CNTNAP2: variants seen among roughly 807,000 people sequenced by gnomAD.
CNTNAP2 encodes the protein contactin associated protein 2.
A neutral mutation model predicts 155.2 loss-of-function variants in CNTNAP2; 98 were observed. The ratio of observed to expected loss-of-function variants is 0.63; its 90% CI spans 0.54 to 0.75. The LOEUF is 0.75. Among genes scored for constraint, CNTNAP2 ranks in the 30% least tolerant of loss-of-function variants. The pLI, the probability that CNTNAP2 is intolerant of heterozygous loss-of-function variation, is 0.00. For synonymous variants in CNTNAP2, 651 were observed against 631.2 expected (o/e 1.03, Z -0.47); for missense variants, 1,727 against 1,688.1 (o/e 1.02, Z -0.40).
intron 1 of CNTNAP2, among the ~76,000 whole-genome samples, chr7:146,180,239 A>C (rs1228345312): frequency 6.6e-6 from 1 of 152,180 alleles, no homozygotes; most frequent in Non-Finnish European, 1.5e-5. Context: ...GCCTTCAGCT[A>C]CTAGTGAGTT....
intron 12 of CNTNAP2, among the ~76,000 whole-genome samples, chr7:147,613,785 A>G (rs1376213010): frequency 6.6e-6 from 1 of 152,088 alleles, no homozygotes; most frequent in African/African-American, 2.4e-5. Context: ...AGAGGTTGCA[A>G]TGAGCCAAAA....
At chr7:147,890,836 A>G (rs1453969201) in intron 13 of CNTNAP2, among the ~76,000 whole-genome samples, 4 of 152,204 alleles carry the variant, frequency 2.6e-5, no homozygotes, top group Non-Finnish European at 4.4e-5. Context: ...CAAAGGATAT[A>G]AAATTTTAGT....
At chr7:148,158,126 T>C (rs1259190014) in intron 17 of CNTNAP2, among the ~76,000 whole-genome samples, 1 of 151,482 alleles carries the variant, frequency 6.6e-6, no homozygotes, top group East Asian at 1.9e-4. Context: ...CCCTTTGCCC[T>C]TTAGGGATCA....
chr7:147,680,730 T>C (rs913592660), intron 13 of CNTNAP2, among the ~76,000 whole-genome samples: 1 of 151,924 alleles, frequency 6.6e-6, no homozygotes, highest in African/African-American at 2.4e-5. Context: ...CATTCTGATG[T>C]TCTTGCCATT....
chr7:146,562,581 C>T (rs1268728726), intron 1 of CNTNAP2, among the ~76,000 whole-genome samples: 1 of 152,046 alleles, frequency 6.6e-6, no homozygotes, highest in Admixed American at 6.6e-5. Flanking sequence ...TTTATTAAGA[C>T]TGGGCTTTGT....
chr7:148,256,417 G>A (rs552015198), intron 20 of CNTNAP2, among the ~76,000 whole-genome samples: 19 of 152,182 alleles, frequency 1.2e-4, no homozygotes, highest in African/African-American at 4.6e-4. Flanking sequence ...GTCCAAGAAG[G>A]CTTCCTAACT....
chr7:147,822,972 G>A (rs1359127462), intron 13 of CNTNAP2, among the ~76,000 whole-genome samples: 1 of 152,158 alleles, frequency 6.6e-6, no homozygotes, highest in East Asian at 1.9e-4. Flanking sequence ...AGGAAACCTT[G>A]TCTTCTACAG....
chr7:147,748,864 G>A (rs866328800), intron 13 of CNTNAP2, among the ~76,000 whole-genome samples: 2 of 152,064 alleles, frequency 1.3e-5, no homozygotes, highest in Non-Finnish European at 2.9e-5. Flanking sequence ...AAAGGTGCTA[G>A]GCAGACTGAA....
intron 1 of CNTNAP2, among the ~76,000 whole-genome samples, chr7:146,626,259 G>A (rs1230115152): frequency 6.6e-6 from 1 of 152,096 alleles, no homozygotes; most frequent in East Asian, 1.9e-4. Flanking sequence ...CTAATTCTAT[G>A]CAAATGTTTT....
intron 15 of CNTNAP2, among the ~76,000 whole-genome samples, chr7:148,003,756 G>T (rs1023638242): frequency 6.6e-6 from 1 of 152,150 alleles, no homozygotes; most frequent in African/African-American, 2.4e-5. Flanking sequence ...TTATCCTCTT[G>T]TTTGATTAGT....
chr7:147,443,441 T>C (rs1201913920), intron 10 of CNTNAP2, among the ~76,000 whole-genome samples: 1 of 152,166 alleles, frequency 6.6e-6, no homozygotes, highest in Admixed American at 6.5e-5. Context: ...TAGTCCTGAA[T>C]AGGCAAGTAA....
chr7:146,608,831 A>T (rs1239765865), intron 1 of CNTNAP2, among the ~76,000 whole-genome samples: 1 of 152,004 alleles, frequency 6.6e-6, no homozygotes, highest in Non-Finnish European at 1.5e-5. Flanking sequence ...TATAATTTTA[A>T]ATTTCAAATT....
intron 1 of CNTNAP2, among the ~76,000 whole-genome samples, chr7:146,205,548 T>C (rs1798932783): frequency 6.6e-6 from 1 of 151,672 alleles, no homozygotes; most frequent in South Asian, 2.1e-4. Context: ...GAAAGTAAAA[T>C]CACTTAAGAA....
At chr7:147,334,552 A>C (rs903778591) in intron 9 of CNTNAP2, among the ~76,000 whole-genome samples, 1 of 152,156 alleles carries the variant, frequency 6.6e-6, no homozygotes, top group Non-Finnish European at 1.5e-5. Context: ...GAAAAATCTC[A>C]GTGGGTTTGG....
chr7:146,376,278 T>C (rs374780604), intron 1 of CNTNAP2, among the ~76,000 whole-genome samples: 1 of 152,294 alleles, frequency 6.6e-6, no homozygotes. Context: ...ATTGCACTTC[T>C]TGTGCTCCGA....
At chr7:147,715,215 A>G (rs1361000037) in intron 13 of CNTNAP2, among the ~76,000 whole-genome samples, 3 of 152,126 alleles carry the variant, frequency 2.0e-5, no homozygotes, top group Non-Finnish European at 1.5e-5. Context: ...CCTGGATCAC[A>G]TAGTAAGTCC....
intron 11 of CNTNAP2, among the ~76,000 whole-genome samples, chr7:147,512,807 T>C (rs141175697): frequency 3.1e-4 from 47 of 152,294 alleles, no homozygotes; most frequent in African/African-American, 1.1e-3. Context: ...TTATGTATGC[T>C]TTTCATCTCA....
chr7:146,851,414 C>T (rs186162198), intron 3 of CNTNAP2, among the ~76,000 whole-genome samples: 5 of 152,160 alleles, frequency 3.3e-5, no homozygotes, highest in East Asian at 1.9e-4. Context: ...AAAGAAAGTA[C>T]TATTTACCTA....
At chr7:146,273,832 C>A (rs1167708560) in intron 1 of CNTNAP2, among the ~76,000 whole-genome samples, 1 of 152,080 alleles carries the variant, frequency 6.6e-6, no homozygotes, top group Non-Finnish European at 1.5e-5. Context: ...CTTCGTAAAA[C>A]AAGGCGATGA....
Sources: gnomAD v4.1 joint callset for allele counts (sites outside exome capture counted in the v4.1 genomes callset) on GRCh38, gnomAD v4.1.1 for gene constraint, MANE v1.5 for transcripts, NCBI Gene and HGNC (gene_info 2026-07-23, HGNC 2026-07-21) for gene names.